Variants in SPG7 observed in about 807,000 individuals in gnomAD.
SPG7 encodes SPG7 matrix AAA peptidase subunit, paraplegin.
SPG7 carries 103 observed loss-of-function variants against 81.9 expected under a neutral mutation model. The observed-to-expected ratio is 1.26, with a 90% CI of 1.07 to 1.48. The LOEUF (loss-of-function observed/expected upper bound fraction) is 1.48, where lower values mean the gene tolerates loss of function less well. Ranked by LOEUF, SPG7 falls within the 40% of genes most tolerant of loss-of-function variation. The pLI is 0.00. For missense variants in SPG7, 1,241 were observed against 1,087.3 expected (o/e 1.14, Z -1.99); for synonymous variants, 534 against 444.2 (o/e 1.20, Z -2.54).
At chr16:89,530,501 C>T (rs1283257246) in intron 6 of SPG7, 182 bp from the exon 7 acceptor site, 2 of 719,426 alleles carry the variant, frequency 2.8e-6, no homozygotes, top group East Asian at 2.5e-5. Flanking sequence ...AATGACGAAA[C>T]ATTTCCCTTC....
chr16:89,550,267 G>A, intron 12 of SPG7: 4 of 494,886 alleles, frequency 8.1e-6, no homozygotes, highest in Non-Finnish European at 1.5e-5. Context: ...CCGTCTCTCA[G>A]GTTCAAGTGA....
intron 3 of SPG7, 180 bp from the exon 4 acceptor site, chr16:89,523,826 C>A: frequency 1.2e-6 from 1 of 838,226 alleles, no homozygotes; most frequent in Non-Finnish European, 2.0e-6. Flanking sequence ...TGACCTCGAA[C>A]AGCACAGCGT....
intron 11 of SPG7, 70 bp downstream of exon 11, chr16:89,546,830 C>CA: frequency 1.0e-6 from 1 of 985,692 alleles, no homozygotes; most frequent in Non-Finnish European, 1.6e-6. Flanking sequence ...GCGCAAACAG[C>CA]ATCGAGGCCT....
intron 13 of SPG7, chr16:89,551,852 CTG>C (rs1436075202): frequency 6.6e-6 from 1 of 152,186 alleles, no homozygotes; most frequent in African/African-American, 2.4e-5. Context: ...GACTGTGCCA[CTG>C]TACTCCAGCC....
chr16:89,548,986 A>G (rs1313542780), intron 12 of SPG7: 4 of 455,346 alleles, frequency 8.8e-6, no homozygotes, highest in South Asian at 4.6e-5. Flanking sequence ...GCAGGTCCCC[A>G]GGGCTTCAGC....
intron 3 of SPG7, among the ~76,000 whole-genome samples, chr16:89,513,446 G>T (rs1414069528): frequency 6.6e-6 from 1 of 152,020 alleles, no homozygotes; most frequent in African/African-American, 2.4e-5. Context: ...AACCTGGGAG[G>T]TGGAGGTTGC....
At chr16:89,531,754 G>A (rs867263803) in intron 7 of SPG7, 150 bp from the exon 8 acceptor site, 7 of 738,346 alleles carry the variant, frequency 9.5e-6, no homozygotes, top group Middle Eastern at 5.8e-4. Context: ...GAGGTGAGAG[G>A]GTGGCTTGAA....
chr16:89,526,636 T>A lies in SPG7; in HGVS notation c.758+168T>A, dbSNP rs74941998. 8.2e-6 allele frequency: 6 copies of A among 729,588 alleles called. No homozygotes were observed. The African/African-American group carries it at 1.1e-4, about 13-fold the overall frequency. 45.2% of individuals were successfully genotyped at this position (729,588 alleles called of 1,614,324 possible). The stretch of plus-strand genomic sequence containing the variant: ...AGTGAATGATACAATGCCAGGAGAT[T>A]TGGAAATATAGTTATCCCTGGGTAT... On this transcript the variant is annotated intron_variant, in intron 5 of 16. Coordinates refer to ENST00000645818, the MANE Select transcript of SPG7 (RefSeq NM_003119.4).
At chr16:89,531,278 C>CG (rs2152403063) in intron 7 of SPG7, 1 of 262,818 alleles carries the variant, frequency 3.8e-6, no homozygotes, top group Non-Finnish European at 7.5e-6. Flanking sequence ...AGTCCTGGCA[C>CG]CTCGGGGCGC....
chr16:89,522,912 C>G (rs1029364466), intron 3 of SPG7: 1 of 152,602 alleles, frequency 6.6e-6, no homozygotes. Context: ...CGCTGCTTGC[C>G]ACGCCTCCTT....
chr16:89,524,003 C>G lies in SPG7; in HGVS notation c.377-3C>G. ...TCTCCCTTTTGCTTCTCTGCCGGCT[C>G]AGAGGAGAGGAGACGCCGTGAGCGG... On this transcript the variant is annotated splice_region_variant and splice_polypyrimidine_tract_variant and intron_variant, in intron 3 of 16. Transcript: ENST00000645818. 1 of 1,612,216 alleles carries G rather than the reference C, an allele frequency of 6.2e-7. No individual in the cohort carries two copies. The highest frequency in any genetic ancestry group is 8.5e-7 in the Non-Finnish European group (1 of 1,180,002).
At chr16:89,545,325 C>A in intron 10 of SPG7, 1 of 229,466 alleles carries the variant, frequency 4.4e-6, no homozygotes, top group Non-Finnish European at 8.8e-6. Flanking sequence ...TGTTGCTGCC[C>A]TGAGGGAGCA....
chr16:89,556,610 T>A, intron 16 of SPG7: 1 of 472,630 alleles, frequency 2.1e-6, no homozygotes, highest in Non-Finnish European at 3.9e-6. Context: ...ACACGTCTTG[T>A]TTGGTGAAAG....
At chr16:89,552,946 C>G in intron 13 of SPG7, 33 bp from the exon 14 acceptor site, 1 of 1,612,166 alleles carries the variant, frequency 6.2e-7, no homozygotes, top group Middle Eastern at 1.9e-4. Flanking sequence ...CGCATCCTGC[C>G]TACTGACCTG....
chr16:89,529,398 G>A (rs1271227046), intron 5 of SPG7, 79 bp from the exon 6 acceptor site: 2 of 870,424 alleles, frequency 2.3e-6, no homozygotes, highest in Non-Finnish European at 1.9e-6. Context: ...AACATTGCCA[G>A]CAGTGGTTCT....
intron 7 of SPG7, chr16:89,531,151 C>T (rs529925998): frequency 3.2e-5 from 13 of 408,284 alleles, no homozygotes; most frequent in African/African-American, 8.2e-5. Context: ...CTATCACGTG[C>T]GTCACTTACA....
At chr16:89,530,646 T>G in intron 6 of SPG7, 37 bp from the exon 7 acceptor site, 1 of 1,613,994 alleles carries the variant, frequency 6.2e-7, no homozygotes, top group Admixed American at 1.7e-5. Context: ...ATTTCCTGAC[T>G]TCGCCCAGCT....
At chr16:89,544,392 T>C (rs1432314931) in intron 9 of SPG7, 1 of 449,650 alleles carries the variant, frequency 2.2e-6, no homozygotes, top group Admixed American at 3.3e-5. Context: ...CAGGATGCTG[T>C]AGGAGCTCCC....
intron 2 of SPG7, among the ~76,000 whole-genome samples, chr16:89,511,996 C>G (rs952176439): frequency 6.6e-6 from 1 of 152,046 alleles, no homozygotes; most frequent in African/African-American, 2.4e-5. Context: ...ACTGCAAGCT[C>G]TGCCTCCAGG....
Sources: gnomAD v4.1 joint callset for allele counts (sites outside exome capture counted in the v4.1 genomes callset) on GRCh38, gnomAD v4.1.1 for gene constraint, MANE v1.5 for transcripts, NCBI Gene and HGNC (gene_info 2026-07-23, HGNC 2026-07-21) for gene names.